Variants in PVT1 observed in about 807,000 individuals in gnomAD.
PVT1 encodes CXCR4/PVT1 fusion.
rs1814799083 is a variant in PVT1 at position 127,827,086 on chromosome 8, C to G, written n.372+31015C>G. Among the ~76,000 whole-genome samples the G allele has an allele frequency of 2.0e-5, 3 of 150,632 alleles. No homozygotes were observed. In the South Asian group the frequency reaches 6.3e-4, roughly 32 times the overall value. ...TCTTGGCTCACCGTAATCTCCGCCT[C>G]CTGGGTTCGAGCGATTCTCCTGCCT... On this transcript the variant is annotated intron_variant and non_coding_transcript_variant, in intron 2 of 10. Transcript: ENST00000651587.
chr8:127,876,741 ACTC>A (rs1815409692), intron 2 of PVT1, among the ~76,000 whole-genome samples: 4 of 151,666 alleles, frequency 2.6e-5, no homozygotes, highest in Admixed American at 2.6e-4. Flanking sequence ...GTTTTCCACA[ACTC>A]CTGTCCTCCG....
chr8:127,953,823 T>C (rs1816537157), intron 3 of PVT1, among the ~76,000 whole-genome samples: 1 of 152,172 alleles, frequency 6.6e-6, no homozygotes, highest in African/African-American at 2.4e-5. Flanking sequence ...CCTCTTCTTT[T>C]CTTTTGTTTC....
At chr8:127,895,291 C>T (rs376318421) in intron 3 of PVT1, among the ~76,000 whole-genome samples, 7 of 152,116 alleles carry the variant, frequency 4.6e-5, no homozygotes, top group East Asian at 3.9e-4. Flanking sequence ...ACCAACATAG[C>T]GAAACCCCAT....
chr8:127,805,409 T>C (rs1219371505), intron 2 of PVT1, among the ~76,000 whole-genome samples: 4 of 152,270 alleles, frequency 2.6e-5, no homozygotes, highest in South Asian at 2.1e-4. Context: ...TTGTGCATAA[T>C]GTCTGAATTT....
At chr8:127,947,470 TCCC>T in intron 3 of PVT1, 1 of 320,798 alleles carries the variant, frequency 3.1e-6, no homozygotes, top group Non-Finnish European at 6.2e-6. Context: ...TTTTTGGCAT[TCCC>T]TCTGTCTCCT....
intron 4 of PVT1, among the ~76,000 whole-genome samples, chr8:128,068,505 G>T (rs2130132068): frequency 6.6e-6 from 1 of 152,210 alleles, no homozygotes; most frequent in Admixed American, 6.5e-5. Context: ...GTTTTTTGTT[G>T]TTGTTTGTTT....
At chr8:127,950,794 G>A (rs62512808) in intron 3 of PVT1, among the ~76,000 whole-genome samples, 3,520 of 152,300 alleles carry the variant, frequency 0.023, 66 homozygotes, top group Non-Finnish European at 0.036. Context: ...TAGGAGGGAG[G>A]ATGGCTAACA....
intron 3 of PVT1, among the ~76,000 whole-genome samples, chr8:127,938,605 T>C (rs1452272277): frequency 6.6e-6 from 1 of 152,238 alleles, no homozygotes; most frequent in East Asian, 1.9e-4. Flanking sequence ...CTAACTTTTT[T>C]TCTTAAGGTG....
At chr8:127,913,183 G>C (rs1232626867) in intron 3 of PVT1, among the ~76,000 whole-genome samples, 1 of 152,200 alleles carries the variant, frequency 6.6e-6, no homozygotes, top group Non-Finnish European at 1.5e-5. Context: ...TTGAAGCTCA[G>C]CTCCTTGTCC....
intron 3 of PVT1, among the ~76,000 whole-genome samples, chr8:127,916,190 C>T (rs943228589): frequency 1.3e-5 from 2 of 152,180 alleles, no homozygotes; most frequent in African/African-American, 4.8e-5. Flanking sequence ...CTGATGTCTT[C>T]CCTGGGGTTT....
intron 4 of PVT1, among the ~76,000 whole-genome samples, chr8:128,003,329 C>G (rs1043477962): frequency 3.3e-5 from 5 of 149,442 alleles, no homozygotes; most frequent in African/African-American, 1.2e-4. Flanking sequence ...GTCTCCTCTG[C>G]TCCCCTGCCC....
At chr8:127,921,534 G>A (rs1053294082) in intron 3 of PVT1, among the ~76,000 whole-genome samples, 3 of 152,114 alleles carry the variant, frequency 2.0e-5, no homozygotes, top group Non-Finnish European at 4.4e-5. Context: ...TTCAGGGGCC[G>A]GGCACAGTGG....
intron 2 of PVT1, among the ~76,000 whole-genome samples, chr8:127,864,570 C>G (rs1365694064): frequency 1.3e-5 from 2 of 151,418 alleles, no homozygotes. Flanking sequence ...TTTTTTGAGA[C>G]AGAGTCTTGC....
Position 127,979,802 on chromosome 8 carries a change from A to G in PVT1, n.783-9360A>G, listed in dbSNP as rs1286888809. Among the ~76,000 whole-genome samples the G allele has an allele frequency of 2.0e-5, 3 of 151,894 alleles. 1 individual carries two copies. On this transcript the variant is annotated intron_variant and non_coding_transcript_variant, in intron 3 of 10. Coordinates refer to ENST00000651587, the Ensembl canonical transcript of PVT1. ...AGTTCCCAGAGAGGGCTGATAGCTG[A>G]TGGTCATCTGCCAGCACTTTAGTAA...
chr8:127,996,240 T>C (rs1044624752), intron 4 of PVT1, among the ~76,000 whole-genome samples: 1 of 152,050 alleles, frequency 6.6e-6, no homozygotes, highest in African/African-American at 2.4e-5. Context: ...CCTCTGGTTC[T>C]CTCCCTCCTT....
At position 127,898,319 on chromosome 8, in the gene PVT1, T is replaced by G. The variant is rs1367668416; in HGVS notation, n.782+7321T>G. ...AATAAAATAATGTAAAGAAAGAAAA[T>G]AATGTAAAGAAAGAAAAGAAAGGAA... On this transcript the variant is annotated intron_variant and non_coding_transcript_variant, in intron 3 of 10. Coordinates refer to ENST00000651587, the Ensembl canonical transcript of PVT1. The surrounding 1 kb of genome is among the most constrained non-coding windows in gnomAD (Gnocchi z 4.4). Among the ~76,000 whole-genome samples the G allele has an allele frequency of 6.6e-6, 1 of 151,436 alleles. No homozygotes were observed. Among genetic ancestry groups the G allele is most frequent in the African/African-American group, 2.4e-5 (1 of 41,268 alleles).
chr8:127,846,113 CT>C (rs1815031047), intron 2 of PVT1, among the ~76,000 whole-genome samples: 1 of 152,178 alleles, frequency 6.6e-6, no homozygotes, highest in African/African-American at 2.4e-5. Context: ...TGCACATGTG[CT>C]TTGTAAGGGC....
intron 4 of PVT1, among the ~76,000 whole-genome samples, chr8:128,006,771 A>T (rs931673521): frequency 6.6e-6 from 1 of 152,188 alleles, no homozygotes; most frequent in African/African-American, 2.4e-5. Context: ...GATTCTCATT[A>T]TATTGGTTAT....
chr8:127,884,809 G>A (rs1395949104), intron 2 of PVT1, among the ~76,000 whole-genome samples: 1 of 152,230 alleles, frequency 6.6e-6, no homozygotes, highest in African/African-American at 2.4e-5. Flanking sequence ...TGCAGGCGGA[G>A]GGCGAGGTGC....
Sources: gnomAD v4.1 joint callset for allele counts (sites outside exome capture counted in the v4.1 genomes callset) on GRCh38, gnomAD v4.1.1 for gene constraint, Gnocchi (gnomAD v3.1) non-coding constraint, MANE v1.5 for transcripts, NCBI Gene and HGNC (gene_info 2026-07-23, HGNC 2026-07-21) for gene names.